The following GRIN2A variants were observed in gnomAD, a reference collection of about 807,000 sequenced individuals.
GRIN2A encodes glutamate receptor ionotropic, NMDA 2A.
GRIN2A carries 22 observed loss-of-function variants against 113.4 expected under a neutral mutation model. The observed-to-expected ratio is 0.19, with a 90% CI of 0.14 to 0.28. The LOEUF (loss-of-function observed/expected upper bound fraction) is 0.28. GRIN2A is among the 10% of genes least tolerant of loss of function. The probability of loss-of-function intolerance (pLI) is 1.00; values close to 1 mark genes in which losing one functional copy is unlikely to be tolerated. For missense variants in GRIN2A, 1,502 were observed against 1,887.0 expected, an observed-to-expected ratio of 0.80 and a Z score of 3.78; for synonymous variants, 827 against 738.4, an observed-to-expected ratio of 1.12 and a Z score of -1.94.
chr16:10,099,486 C>CCG (rs397738594), intron 2 of GRIN2A, among the ~76,000 whole-genome samples: 6 of 152,032 alleles, frequency 3.9e-5, no homozygotes, highest in Non-Finnish European at 7.4e-5. Context: ...CTTGCACCCC[C>CCG]TTCCTCAGCT....
chr16:10,123,913 G>A (rs1422416222), intron 2 of GRIN2A, among the ~76,000 whole-genome samples: 3 of 152,160 alleles, frequency 2.0e-5, no homozygotes, highest in Non-Finnish European at 4.4e-5. Flanking sequence ...GTTACAGAAA[G>A]CTATATGTAT....
chr16:9,763,090 C>T lies in GRIN2A; in HGVS notation c.*59G>A. 1.3e-6 allele frequency: 2 copies of T among 1,542,790 alleles called. No homozygotes were observed. The highest frequency in any genetic ancestry group is 1.8e-6 in the Non-Finnish European group (2 of 1,120,576). ...CACTATTGGACATCCAACATTTACCCTCCAGAACATTGGCCATTACGTATA... is the reference window on the plus strand; with the variant it reads ...CACTATTGGACATCCAACATTTACCTTCCAGAACATTGGCCATTACGTATA... On this transcript the variant is annotated 3_prime_UTR_variant, in exon 13 of 13. Transcript: ENST00000330684.
intron 2 of GRIN2A, among the ~76,000 whole-genome samples, chr16:10,113,886 T>C (rs573788873): frequency 1.3e-5 from 2 of 151,922 alleles, no homozygotes; most frequent in Non-Finnish European, 2.9e-5. Context: ...CCTTGAGGAG[T>C]AGAGTCTTGA....
rs988901340 is a variant in GRIN2A, at chr16:9,840,717, G to C, written c.1581C>G (p.Pro527=). 7 of 1,612,740 alleles carry C rather than the reference G, an allele frequency of 4.3e-6. No homozygotes were observed. Among genetic ancestry groups the C allele is most frequent in the Non-Finnish European group, 5.9e-6 (7 of 1,179,736 alleles). ...ERSEVVDFSV[P]FVETGISVMV... ...TGACACTGATTCCCGTTTCCACAAA[G>C]GGCACAGAGAAGTCCACCACTTCAG... The change falls in exon 7 of 13, where the codon CCC becomes CCG. Residue 527 remains proline, a synonymous_variant. Coordinates refer to ENST00000330684, the MANE Select transcript of GRIN2A (RefSeq NM_001134407.3).
intron 2 of GRIN2A, among the ~76,000 whole-genome samples, chr16:9,981,416 G>A (rs548640900): frequency 6.6e-6 from 1 of 152,092 alleles, no homozygotes; most frequent in Admixed American, 6.6e-5. Flanking sequence ...GTCAAACATA[G>A]AAAACAGAAA....
At chr16:9,976,860 A>C (rs1468815789) in intron 2 of GRIN2A, among the ~76,000 whole-genome samples, 1 of 152,178 alleles carries the variant, frequency 6.6e-6, no homozygotes, top group Non-Finnish European at 1.5e-5. Flanking sequence ...TCGCGTGACA[A>C]ATGACATCTG....
At position 9,896,517 on chromosome 16, in the gene GRIN2A, C is replaced by T. The variant is rs188527066; in HGVS notation, c.1008-5417G>A. On this transcript the variant is annotated intron_variant, in intron 3 of 12. Transcript: ENST00000330684. ...GGAATTAGCAGAGTGATTACTGAGA[C>T]GCAAACACTGTTCTTCAGATTATAT... Among the ~76,000 whole-genome samples, 55 of 152,294 alleles carry T rather than the reference C, an allele frequency of 3.6e-4. 1 individual carries two copies. The highest frequency in any genetic ancestry group is 1.2e-3 in the African/African-American group (48 of 41,568).
intron 3 of GRIN2A, among the ~76,000 whole-genome samples, chr16:9,911,268 C>T (rs1197997728): frequency 6.6e-6 from 1 of 152,102 alleles, no homozygotes; most frequent in Non-Finnish European, 1.5e-5. Context: ...GGGAGAATCA[C>T]TTGAGGCCAG....
chr16:9,785,620 C>A (rs1212817817), intron 11 of GRIN2A, among the ~76,000 whole-genome samples: 2 of 151,580 alleles, frequency 1.3e-5, no homozygotes, highest in African/African-American at 4.8e-5. Flanking sequence ...GTAAAGGGAG[C>A]AAATGCCTGC....
At chr16:10,169,476 G>C (rs2049994871) in intron 2 of GRIN2A, among the ~76,000 whole-genome samples, 1 of 152,172 alleles carries the variant, frequency 6.6e-6, no homozygotes, top group African/African-American at 2.4e-5. Context: ...ACATGTAAGA[G>C]GAAGTCTACT....
At chr16:9,942,839 T>G (rs558997743) in intron 2 of GRIN2A, among the ~76,000 whole-genome samples, 1 of 152,206 alleles carries the variant, frequency 6.6e-6, no homozygotes, top group African/African-American at 2.4e-5. Context: ...GTCATTTCTA[T>G]TGGTATCTTA....
intron 3 of GRIN2A, among the ~76,000 whole-genome samples, chr16:9,931,788 C>T (rs911926081): frequency 6.6e-6 from 1 of 152,266 alleles, no homozygotes; most frequent in Non-Finnish European, 1.5e-5. Context: ...TAAACGTGTG[C>T]ACATGTGTGT....
At chr16:9,843,659 C>T (rs959522060) in intron 5 of GRIN2A, among the ~76,000 whole-genome samples, 4 of 152,212 alleles carry the variant, frequency 2.6e-5, no homozygotes, top group Non-Finnish European at 5.9e-5. Context: ...CACTCTGCTT[C>T]TGTCAACCCA....
Position 9,753,955 on chromosome 16 carries a change from A to G in GRIN2A, c.*9194T>C, listed in dbSNP as rs898688059. On this transcript the variant is annotated 3_prime_UTR_variant, in exon 13 of 13. Coordinates refer to ENST00000330684, the MANE Select transcript of GRIN2A (RefSeq NM_001134407.3). The stretch of plus-strand genomic sequence containing the variant: ...AATGGACTCAGACATAAACCTGGAT[A>G]GCTGCTTAATTCAATAACTTTCTTG... 1.7e-5 allele frequency: 3 copies of G among 179,044 alleles called. No homozygotes were observed. Among genetic ancestry groups the G allele is most frequent in the Non-Finnish European group, 3.6e-5 (3 of 83,498 alleles). 11.1% of individuals were successfully genotyped at this position (179,044 alleles called of 1,614,324 possible).
intron 2 of GRIN2A, among the ~76,000 whole-genome samples, chr16:9,949,380 A>AGATG (rs922705552): frequency 6.6e-6 from 1 of 151,918 alleles, no homozygotes; most frequent in Non-Finnish European, 1.5e-5. Flanking sequence ...ATGGATGGAC[A>AGATG]GATGGATGGA....
intron 2 of GRIN2A, among the ~76,000 whole-genome samples, chr16:9,942,529 C>T (rs959231719): frequency 2.0e-5 from 3 of 152,176 alleles, no homozygotes; most frequent in Admixed American, 6.5e-5. Context: ...CATCTGTCCA[C>T]GCCTGACTTT....
At chr16:10,117,459 T>A (rs2048748541) in intron 2 of GRIN2A, among the ~76,000 whole-genome samples, 1 of 152,230 alleles carries the variant, frequency 6.6e-6, no homozygotes, top group African/African-American at 2.4e-5. Flanking sequence ...GAGAGTTATC[T>A]CTGCTTATGA....
At chr16:10,145,124 T>A (rs1209680129) in intron 2 of GRIN2A, among the ~76,000 whole-genome samples, 2 of 152,006 alleles carry the variant, frequency 1.3e-5, no homozygotes, top group Non-Finnish European at 2.9e-5. Flanking sequence ...ACAGGATATC[T>A]AAAATAGACT....
At chr16:10,069,527 G>C (rs1355324518) in intron 2 of GRIN2A, among the ~76,000 whole-genome samples, 1 of 152,338 alleles carries the variant, frequency 6.6e-6, no homozygotes, top group East Asian at 1.9e-4. Flanking sequence ...CAGTGGATCT[G>C]CTCTGCAGTC....
Sources: gnomAD v4.1 joint callset for allele counts (sites outside exome capture counted in the v4.1 genomes callset) on GRCh38, gnomAD v4.1.1 for gene constraint, MANE v1.5 for transcripts, NCBI Gene and HGNC (gene_info 2026-07-23, HGNC 2026-07-21) for gene names.